Variants in ZNF516 observed in about 807,000 individuals in gnomAD.
ZNF516 encodes the protein zinc finger protein 516.
ZNF516 carries 19 observed loss-of-function variants against 79.7 expected under a neutral mutation model. The ratio of observed to expected loss-of-function variants is 0.24; its 90% confidence interval spans 0.17 to 0.35. ZNF516 has a LOEUF of 0.35. Ranked by LOEUF, ZNF516 falls within the 10% of genes least tolerant of loss-of-function variation. The pLI, the probability that ZNF516 is intolerant of heterozygous loss-of-function variation, is 1.00. For missense variants in ZNF516, 1,678 were observed against 1,679.5 expected, an observed-to-expected ratio of 1.00 and a Z score of 0.02; for synonymous variants, 877 against 739.5, an observed-to-expected ratio of 1.19 and a Z score of -3.02.
At chr18:76,480,392 G>C (rs894521095) in intron 1 of ZNF516, among the ~76,000 whole-genome samples, 1 of 151,892 alleles carries the variant, frequency 6.6e-6, no homozygotes, top group Admixed American at 6.6e-5. Flanking sequence ...CTGGGTTAGC[G>C]AACTACAGGC....
intron 1 of ZNF516, among the ~76,000 whole-genome samples, chr18:76,473,905 G>GTGTGGGC (rs1555718873): frequency 2.4e-4 from 2 of 8,290 alleles, no homozygotes; most frequent in African/African-American, 5.4e-4. Context: ...TTTTTGTGTG[G>GTGTGGGC]GGGGGGGGGG....
At chr18:76,488,707 T>C (rs1448390113) in intron 1 of ZNF516, among the ~76,000 whole-genome samples, 1 of 152,216 alleles carries the variant, frequency 6.6e-6, no homozygotes, top group East Asian at 1.9e-4. Context: ...CCTAATCAAA[T>C]AAATTTAACT....
At chr18:76,438,279 C>T (rs2075770627) in intron 3 of ZNF516, among the ~76,000 whole-genome samples, 1 of 152,238 alleles carries the variant, frequency 6.6e-6, no homozygotes, top group Non-Finnish European at 1.5e-5. Flanking sequence ...GGCCCATACA[C>T]TGAAGGTTTG....
chr18:76,392,241 C>T (rs1400627594), intron 3 of ZNF516, among the ~76,000 whole-genome samples: 1 of 152,178 alleles, frequency 6.6e-6, no homozygotes, highest in African/African-American at 2.4e-5. Context: ...CATCTTTTGA[C>T]ATAGGGAAAA....
At chr18:76,461,003 C>G (rs1276002384) in intron 2 of ZNF516, among the ~76,000 whole-genome samples, 1 of 152,006 alleles carries the variant, frequency 6.6e-6, no homozygotes, top group Non-Finnish European at 1.5e-5. Flanking sequence ...CACGGTGAAA[C>G]CTCATCTCTA....
intron 3 of ZNF516, among the ~76,000 whole-genome samples, chr18:76,416,006 A>T (rs1365708918): frequency 6.6e-6 from 1 of 152,214 alleles, no homozygotes; most frequent in Non-Finnish European, 1.5e-5. Context: ...GAAGTTCATT[A>T]ATTTATACTA....
chr18:76,365,189 T>C (rs1401608904), intron 6 of ZNF516, among the ~76,000 whole-genome samples: 1 of 152,232 alleles, frequency 6.6e-6, no homozygotes, highest in Admixed American at 6.5e-5. Flanking sequence ...AATGGAATTA[T>C]TTATCCAGCT....
intron 3 of ZNF516, among the ~76,000 whole-genome samples, chr18:76,425,595 T>C (rs1046174711): frequency 4.6e-5 from 7 of 152,234 alleles, no homozygotes; most frequent in Non-Finnish European, 5.9e-5. Flanking sequence ...GGGAAGCCCA[T>C]GTCTCAGGAA....
chr18:76,363,694 A>C (rs1381957333), intron 6 of ZNF516, among the ~76,000 whole-genome samples: 1 of 152,264 alleles, frequency 6.6e-6, no homozygotes, highest in Admixed American at 6.5e-5. Context: ...ATTTTTGTAC[A>C]GTGACGTCAG....
At chr18:76,436,404 CTCTT>C (rs2075735328) in intron 3 of ZNF516, among the ~76,000 whole-genome samples, 1 of 152,198 alleles carries the variant, frequency 6.6e-6, no homozygotes, top group Non-Finnish European at 1.5e-5. Context: ...GGTCCACAAC[CTCTT>C]TCTTTGAATC....
chr18:76,380,125 C>T lies in ZNF516; in HGVS notation c.1989G>A (p.Arg663=). ...CCATAGAAAATCTGTGCTGCTCTTG[C>T]CTTCTAGAAGTCTCTCTGCTACTGT... ...LENSSRETSR[R]QEQHRFSMDL... The change falls in exon 4 of 7, where the codon AGG becomes AGA. Residue 663 remains arginine (R), a synonymous_variant. Transcript: ENST00000443185. The T allele has an allele frequency of 6.2e-7, 1 of 1,613,898 alleles. No homozygotes were observed. Among genetic ancestry groups the T allele is most frequent in the East Asian group, 2.2e-5 (1 of 44,872 alleles).
chr18:76,397,986 A>C (rs1042797048), intron 3 of ZNF516, among the ~76,000 whole-genome samples: 2 of 152,204 alleles, frequency 1.3e-5, no homozygotes, highest in Non-Finnish European at 2.9e-5. Flanking sequence ...TTACTTTTTA[A>C]ATCAGTGAGT....
intron 3 of ZNF516, among the ~76,000 whole-genome samples, chr18:76,437,608 T>C (rs2075760677): frequency 2.0e-5 from 3 of 152,260 alleles, no homozygotes; most frequent in South Asian, 4.1e-4. Flanking sequence ...GGGTGACTGA[T>C]TCCAGGACTC....
At chr18:76,480,647 CA>C (rs1389150025) in intron 1 of ZNF516, among the ~76,000 whole-genome samples, 9 of 152,016 alleles carry the variant, frequency 5.9e-5, no homozygotes, top group African/African-American at 9.7e-5. Context: ...CTCAGTCTCC[CA>C]AGTAGCTGGG....
At chr18:76,401,838 T>TA (rs2075230953) in intron 3 of ZNF516, among the ~76,000 whole-genome samples, 1 of 8,964 alleles carries the variant, frequency 1.1e-4, no homozygotes, top group African/African-American at 5.3e-4. Context: ...GCTCCATCTC[T>TA]CCACCAACCA....
At chr18:76,464,531 C>T (rs1488879081) in intron 1 of ZNF516, among the ~76,000 whole-genome samples, 2 of 152,240 alleles carry the variant, frequency 1.3e-5, no homozygotes, top group South Asian at 2.1e-4. Context: ...CAGGGTGATG[C>T]GCAGTGATAG....
intron 3 of ZNF516, among the ~76,000 whole-genome samples, chr18:76,389,820 C>T (rs1210953764): frequency 3.3e-5 from 5 of 152,102 alleles, no homozygotes; most frequent in Admixed American, 6.5e-5. Context: ...CATCACTGCC[C>T]GCAACCCTGG....
At chr18:76,433,529 C>T (rs1457273813) in intron 3 of ZNF516, among the ~76,000 whole-genome samples, 3 of 152,146 alleles carry the variant, frequency 2.0e-5, no homozygotes, top group East Asian at 3.9e-4. Flanking sequence ...CCCTGGGTGC[C>T]GTACCGCGGC....
chr18:76,440,246 A>C (rs1270008650), intron 3 of ZNF516, among the ~76,000 whole-genome samples: 1 of 152,218 alleles, frequency 6.6e-6, no homozygotes, highest in Non-Finnish European at 1.5e-5. Context: ...GGTTTGGCCA[A>C]ATCTCTAATA....
Sources: gnomAD v4.1 joint callset for allele counts (sites outside exome capture counted in the v4.1 genomes callset) on GRCh38, gnomAD v4.1.1 for gene constraint, MANE v1.5 for transcripts, NCBI Gene and HGNC (gene_info 2026-07-23, HGNC 2026-07-21) for gene names.